The following PTPRD variants were observed in gnomAD, a reference collection of about 807,000 sequenced individuals.
PTPRD encodes receptor-type tyrosine-protein phosphatase delta.
A neutral mutation model predicts 214.5 loss-of-function variants in PTPRD; 34 were observed. The observed-to-expected ratio is 0.16, with a 90% CI of 0.12 to 0.21. The LOEUF (loss-of-function observed/expected upper bound fraction) is 0.21, where lower values mean the gene tolerates loss of function less well. Ranked by LOEUF, PTPRD falls within the 10% of genes least tolerant of loss-of-function variation. The pLI, the probability that PTPRD is intolerant of heterozygous loss-of-function variation, is 1.00. For missense variants in PTPRD, 2,545 were observed against 2,398.7 expected (o/e 1.06, Z -1.27); for synonymous variants, 1,128 against 845.7 (o/e 1.33, Z -5.79).
intron 10 of PTPRD, among the ~76,000 whole-genome samples, chr9:9,078,745 G>T (rs766215010): frequency 6.6e-6 from 1 of 152,082 alleles, no homozygotes; most frequent in Non-Finnish European, 1.5e-5. Context: ...AGAGGACCCA[G>T]TCGATCCTGC....
chr9:8,733,143 A>T (rs1048958532), intron 12 of PTPRD, among the ~76,000 whole-genome samples: 1 of 152,196 alleles, frequency 6.6e-6, no homozygotes, highest in African/African-American at 2.4e-5. Context: ...TGTCAAGTTA[A>T]TGGACCACAA....
At chr9:10,037,241 C>T (rs2097201076) in intron 3 of PTPRD, among the ~76,000 whole-genome samples, 2 of 152,068 alleles carry the variant, frequency 1.3e-5, no homozygotes, top group South Asian at 4.1e-4. Context: ...ACCCAAATCT[C>T]ATATCAAATC....
At chr9:10,386,705 A>G (rs1280319421) in intron 2 of PTPRD, among the ~76,000 whole-genome samples, 1 of 151,882 alleles carries the variant, frequency 6.6e-6, no homozygotes, top group African/African-American at 2.4e-5. Flanking sequence ...AAACAGAGAG[A>G]GAGAGAGACA....
rs529802113 is a variant in PTPRD, at chr9:8,543,648, C to T, written c.353-14869G>A. ...ACATGGGCACATGTTGTCATTTTTC[C>T]GGAATTAACTCAGAAGATAAAATAT... On this transcript the variant is annotated intron_variant, in intron 14 of 45. Transcript: ENST00000381196. 1.1e-4 allele frequency among the ~76,000 whole-genome samples: 17 copies of T among 152,232 alleles called. No homozygotes were observed. The East Asian group carries it at 1.5e-3, about 14-fold the overall frequency.
chr9:9,504,544 T>G (rs2096526026), intron 8 of PTPRD, among the ~76,000 whole-genome samples: 1 of 151,650 alleles, frequency 6.6e-6, no homozygotes, highest in Non-Finnish European at 1.5e-5. Context: ...GCAGCTAACA[T>G]CACCATCAAA....
At chr9:9,357,470 G>GT (rs2054238237) in intron 9 of PTPRD, among the ~76,000 whole-genome samples, 1 of 151,184 alleles carries the variant, frequency 6.6e-6, no homozygotes, top group Non-Finnish European at 1.5e-5. Context: ...GGAAAGCTTG[G>GT]TGAGAACTTT....
chr9:9,647,174 TC>T lies in PTPRD; in HGVS notation c.-286-72394del, dbSNP rs201381537. Among the ~76,000 whole-genome samples, 1,398 of 151,548 alleles carry T rather than the reference TC, an allele frequency of 9.2e-3. 22 individuals carry two copies. The highest frequency in any genetic ancestry group is 0.033 in the African/African-American group (1,348 of 41,292). On this transcript the variant is annotated intron_variant, in intron 7 of 45. Coordinates refer to ENST00000381196, the MANE Select transcript of PTPRD (RefSeq NM_002839.4). ...GTTTTAAATCTAATTATTGCATCTTTCCCCCCCCTCTTTCTAGTCATTCCAT... is the reference window on the plus strand; with the variant it reads ...GTTTTAAATCTAATTATTGCATCTTTCCCCCCCTCTTTCTAGTCATTCCAT...
intron 9 of PTPRD, among the ~76,000 whole-genome samples, chr9:9,367,860 C>T (rs978619949): frequency 6.6e-6 from 1 of 151,596 alleles, no homozygotes; most frequent in African/African-American, 2.4e-5. Context: ...TATTCTGTTC[C>T]TAGAATAAGA....
At chr9:10,134,201 G>T (rs2098924958) in intron 3 of PTPRD, among the ~76,000 whole-genome samples, 1 of 152,122 alleles carries the variant, frequency 6.6e-6, no homozygotes, top group African/African-American at 2.4e-5. Flanking sequence ...GCCAAGCAAA[G>T]AGGACCAGTG....
At chr9:10,421,957 G>T (rs2098549818) in intron 2 of PTPRD, among the ~76,000 whole-genome samples, 1 of 151,880 alleles carries the variant, frequency 6.6e-6, no homozygotes, top group South Asian at 2.1e-4. Context: ...TATGGAGAAT[G>T]ATTTAAGTAT....
At chr9:8,600,323 G>A (rs2094770392) in intron 14 of PTPRD, among the ~76,000 whole-genome samples, 2 of 152,226 alleles carry the variant, frequency 1.3e-5, no homozygotes, top group Non-Finnish European at 2.9e-5. Context: ...GAACTCCAGG[G>A]GCAGTCTAGG....
intron 3 of PTPRD, among the ~76,000 whole-genome samples, chr9:10,310,133 C>G (rs952549081): frequency 6.6e-6 from 1 of 151,944 alleles, no homozygotes; most frequent in African/African-American, 2.4e-5. Context: ...TTTATGGAGA[C>G]TTAAAATCAT....
rs776895056 is a variant in PTPRD, at chr9:10,543,471, T to TAC, written c.-600+68926_-600+68927insGT. 8.7e-5 allele frequency among the ~76,000 whole-genome samples: 9 copies of TAC among 103,778 alleles called. No individual in the cohort carries two copies. In the East Asian group the frequency reaches 5.3e-3, roughly 61 times the overall value. 68.1% of individuals were successfully genotyped at this position (103,778 alleles called of 152,430 possible). ...CTCTACCAGTTTGAAGAGTTTAATATATATATATACACACACACACACACA... is the reference window on the plus strand; with the variant it reads ...CTCTACCAGTTTGAAGAGTTTAATATACATATATATACACACACACACACACA... On this transcript the variant is annotated intron_variant, in intron 2 of 45. Transcript: ENST00000381196.
chr9:9,453,213 A>C (rs1337983025), intron 8 of PTPRD, among the ~76,000 whole-genome samples: 2 of 151,592 alleles, frequency 1.3e-5, no homozygotes, highest in East Asian at 3.9e-4. Context: ...AGTATGGGTA[A>C]TTAAACATCT....
intron 11 of PTPRD, among the ~76,000 whole-genome samples, chr9:8,783,136 CAT>C (rs533493281): frequency 3.3e-5 from 5 of 151,994 alleles, no homozygotes; most frequent in Non-Finnish European, 7.4e-5. Context: ...TTGAAAATAT[CAT>C]ATATGAATCA....
intron 5 of PTPRD, among the ~76,000 whole-genome samples, chr9:9,787,114 G>A (rs1230945333): frequency 6.6e-6 from 1 of 151,196 alleles, no homozygotes. Context: ...TCCAGCCTGG[G>A]CGACAGAGTG....
intron 8 of PTPRD, among the ~76,000 whole-genome samples, chr9:9,422,218 G>A (rs1221550392): frequency 6.6e-6 from 1 of 152,090 alleles, no homozygotes; most frequent in African/African-American, 2.4e-5. Flanking sequence ...AGAAAGCTGA[G>A]ACACGAAGGG....
intron 4 of PTPRD, among the ~76,000 whole-genome samples, chr9:10,006,496 G>T (rs1269462167): frequency 6.6e-6 from 1 of 151,850 alleles, no homozygotes; most frequent in Non-Finnish European, 1.5e-5. Flanking sequence ...GTTAGAATAA[G>T]CTATATTTGG....
At chr9:8,675,715 T>C (rs759809743) in intron 12 of PTPRD, among the ~76,000 whole-genome samples, 2 of 152,062 alleles carry the variant, frequency 1.3e-5, no homozygotes, top group Non-Finnish European at 2.9e-5. Context: ...CTTCAACATC[T>C]TAGACAGATC....
Sources: gnomAD v4.1 joint callset for allele counts (sites outside exome capture counted in the v4.1 genomes callset) on GRCh38, gnomAD v4.1.1 for gene constraint, MANE v1.5 for transcripts, NCBI Gene and HGNC (gene_info 2026-07-23, HGNC 2026-07-21) for gene names.